Variants in HTT observed in about 807,000 individuals in gnomAD.
HTT encodes huntington disease protein.
In HTT, 104 loss-of-function variants were observed where a neutral mutation model predicts 362.3. The observed-to-expected ratio is 0.29, with a 90% CI of 0.24 to 0.34. The LOEUF (loss-of-function observed/expected upper bound fraction) is 0.34. HTT is among the 10% of genes least tolerant of loss of function. The probability of loss-of-function intolerance (pLI) is 1.00; values close to 1 mark genes in which losing one functional copy is unlikely to be tolerated. For missense variants in HTT, 3,301 were observed against 3,928.6 expected (o/e 0.84, Z 4.27); for synonymous variants, 1,577 against 1,548.7 (o/e 1.02, Z -0.43).
intron 64 of HTT, 83 bp downstream of exon 64, chr4:3,236,337 T>A: frequency 1.1e-6 from 1 of 947,476 alleles, no homozygotes; most frequent in South Asian, 1.3e-5. Flanking sequence ...TGTCTGCTGA[T>A]CCCCTGGCGC....
At chr4:3,146,699 A>G in intron 24 of HTT, 98 bp from the exon 25 acceptor site, 1 of 1,042,204 alleles carries the variant, frequency 9.6e-7, no homozygotes, top group Non-Finnish European at 1.5e-6. Context: ...TATAAAATGT[A>G]TTGTGACATG....
At chr4:3,210,644 G>A (rs1720108753) in intron 47 of HTT, among the ~76,000 whole-genome samples, 1 of 152,162 alleles carries the variant, frequency 6.6e-6, no homozygotes, top group Admixed American at 6.5e-5. Flanking sequence ...TGCAGCCATG[G>A]CCCAAGCAGG....
chr4:3,216,325 T>C (rs1367830624), intron 51 of HTT, among the ~76,000 whole-genome samples: 1 of 152,244 alleles, frequency 6.6e-6, no homozygotes, highest in Non-Finnish European at 1.5e-5. Flanking sequence ...TGATTTCTTG[T>C]TGCTACCTAA....
At chr4:3,090,427 A>C (rs988125660) in intron 2 of HTT, among the ~76,000 whole-genome samples, 6 of 152,346 alleles carry the variant, frequency 3.9e-5, no homozygotes, top group African/African-American at 1.4e-4. Flanking sequence ...CCTCTTGGGA[A>C]TACCCAGGAA....
intron 2 of HTT, among the ~76,000 whole-genome samples, chr4:3,091,112 CAAGAAAAAA>C (rs1713483342): frequency 6.6e-6 from 1 of 151,526 alleles, no homozygotes; most frequent in Non-Finnish European, 1.5e-5. Flanking sequence ...AATTCTGTCT[CAAGAAAAAA>C]GAGAAAAAAG....
chr4:3,204,296 T>G, intron 42 of HTT, 148 bp downstream of exon 42: 1 of 736,582 alleles, frequency 1.4e-6, no homozygotes, highest in Non-Finnish European at 2.2e-6. Context: ...AATGAATGTT[T>G]ACTTCTGCTG....
chr4:3,150,424 G>T (rs571551959), intron 26 of HTT, among the ~76,000 whole-genome samples: 2 of 152,212 alleles, frequency 1.3e-5, no homozygotes, highest in Admixed American at 1.3e-4. Flanking sequence ...GGACCTCAGA[G>T]GACCTGTCTC....
rs200014691 is a variant in HTT at position 3,198,215 on chromosome 4, A to ATTTTT, written c.5369-1493_5369-1489dup. Among the ~76,000 whole-genome samples the ATTTTT allele has an allele frequency of 8.4e-4, 51 of 60,378 alleles. 4 individuals carry two copies. The highest frequency in any genetic ancestry group is 1.2e-3 in the African/African-American group (18 of 15,164). The allele number at this position is 60,378 out of a possible 152,430, so 39.6% of individuals were successfully genotyped here. Reference sequence around the variant, plus strand: ...ACCCTTTCACTTTGGGGATGTGTTGATTTTTTTTTTTTTTTTTTTTTTTTT... The same window carrying ATTTTT: ...ACCCTTTCACTTTGGGGATGTGTTGATTTTTTTTTTTTTTTTTTTTTTTTTTTTTT... On this transcript the variant is annotated intron_variant, in intron 40 of 66. Coordinates refer to ENST00000355072, the MANE Select transcript of HTT (RefSeq NM_001388492.1).
intron 3 of HTT, among the ~76,000 whole-genome samples, chr4:3,101,209 A>T (rs1714136570): frequency 6.6e-6 from 1 of 151,736 alleles, no homozygotes; most frequent in Non-Finnish European, 1.5e-5. Flanking sequence ...AACCTCCTTC[A>T]TTTTTTTTCC....
At chr4:3,232,341 C>T (rs1244008278) in intron 60 of HTT, among the ~76,000 whole-genome samples, 5 of 152,182 alleles carry the variant, frequency 3.3e-5, no homozygotes, top group Non-Finnish European at 7.3e-5. Context: ...AAGAGGCCGC[C>T]TGGCCATCCA....
Position 3,214,034 on chromosome 4 carries a change from T to A in HTT, c.6851T>A (p.Leu2284Gln). 6.2e-7 allele frequency: 1 copy of A among 1,609,552 alleles called. No individual in the cohort carries two copies. Among genetic ancestry groups the A allele is most frequent in the Non-Finnish European group, 8.5e-7 (1 of 1,177,708 alleles). The change falls in exon 50 of 67, where the codon CTG becomes CAG. Residue 2284 changes from leucine (L) to glutamine (Q), a missense_variant. Leu to Gln is a moderately radical substitution (Grantham distance 113). Around this residue, in one of 4 missense-constraint regions of HTT, gnomAD observed 220 missense variants for 218.5 expected, o/e 1.01. Coordinates refer to ENST00000355072, the MANE Select transcript of HTT (RefSeq NM_001388492.1). ...DLQAGLDCCC[L>Q]ALQLPGLWSV... ...CAGGCAGGGCTGGACTGCTGCTGCC[T>A]GGCCCTGCAGCTGCCTGGCCTCTGG...
At chr4:3,176,663 T>G (rs1718258877) in intron 33 of HTT, among the ~76,000 whole-genome samples, 1 of 152,228 alleles carries the variant, frequency 6.6e-6, no homozygotes, top group Admixed American at 6.5e-5. Flanking sequence ...TTGCCTTTCA[T>G]CAACCGGTCC....
chr4:3,217,803 G>A lies in HTT; in HGVS notation c.7093G>A (p.Glu2365Lys), dbSNP rs1409647878. The change falls in exon 52 of 67, where the codon GAA becomes AAA. Residue 2365 changes from glutamate to lysine, a missense_variant. Glu to Lys is a moderately conservative substitution (Grantham distance 56). Coordinates refer to ENST00000355072, the MANE Select transcript of HTT (RefSeq NM_001388492.1). Reference protein sequence around the residue: ...YITAACEMVAEMVESLQSVLA... With the variant: ...YITAACEMVAKMVESLQSVLA... Reference sequence around the variant, plus strand: ...CACTGCAGCCTGTGAGATGGTGGCAGAAATGGTGGAGTCTCTGCAGTCGGT... The same window carrying A: ...CACTGCAGCCTGTGAGATGGTGGCAAAAATGGTGGAGTCTCTGCAGTCGGT... 4 of 1,614,004 alleles carry A rather than the reference G, an allele frequency of 2.5e-6. No homozygotes were observed. Among genetic ancestry groups the A allele is most frequent in the Non-Finnish European group, 3.4e-6 (4 of 1,179,986 alleles).
At chr4:3,151,272 C>A (rs548246579) in intron 26 of HTT, among the ~76,000 whole-genome samples, 2 of 152,068 alleles carry the variant, frequency 1.3e-5, no homozygotes, top group East Asian at 3.9e-4. Flanking sequence ...CTGGGAAGGC[C>A]TCAGGAAACT....
chr4:3,217,019 C>T (rs1294704472), intron 51 of HTT, among the ~76,000 whole-genome samples: 2 of 149,274 alleles, frequency 1.3e-5, no homozygotes, highest in East Asian at 2.0e-4. Context: ...AGCAAGACTC[C>T]GTCTCAAAAA....
rs375917 is a variant in HTT, at chr4:3,075,034, C to T, written c.209C>T (p.Pro70Leu). 2.4e-6 allele frequency: 3 copies of T among 1,245,638 alleles called. No individual in the cohort carries two copies. The highest frequency in any genetic ancestry group is 3.3e-5 in the East Asian group (1 of 30,700). The allele number at this position is 1,245,638 out of a possible 1,614,324, so 77.2% of individuals were successfully genotyped here. A position where few individuals can be genotyped will look rare whatever the true frequency, so the allele number is the denominator to read the frequency against. Residue 70 changes from proline to leucine, a missense_variant, in exon 1 of 67, where the codon CCG becomes CTG. By Grantham distance (98) the Pro-to-Leu change is moderately conservative. This residue lies in a region of HTT where 2,316 missense variants were observed against 2,658.5 expected (regional missense o/e 0.87). Transcript: ENST00000355072. Reference sequence around the variant, plus strand: ...CTGCCTCAGCCGCAGCCGCCCCCGCCGCCGCCCCCGCCGCCACCCGGCCCG... The same window carrying T: ...CTGCCTCAGCCGCAGCCGCCCCCGCTGCCGCCCCCGCCGCCACCCGGCCCG... The part of the protein sequence containing the change: ...PLLPQPQPPP[P>L]PPPPPPGPAV...
In HTT at chr4:3,238,559, C is replaced by T; in HGVS notation, c.9004C>T (p.Leu3002=). Residue 3002 remains leucine (L), a synonymous_variant, in exon 65 of 67, where the codon CTG becomes TTG. Coordinates refer to ENST00000355072, the MANE Select transcript of HTT (RefSeq NM_001388492.1). ...CATGAACAAAGTCATCGGAGAGTTT[C>T]TGTCCAACCAGCAGCCATACCCCCA... The part of the protein sequence containing the change: ...DIMNKVIGEF[L]SNQQPYPQFM... 1 of 1,613,324 alleles carries T rather than the reference C, an allele frequency of 6.2e-7. No homozygotes were observed. The highest frequency in any genetic ancestry group is 1.1e-5 in the South Asian group (1 of 90,752).
At chr4:3,154,195 A>C (rs1375961074) in intron 26 of HTT, 98 bp from the exon 27 acceptor site, 4 of 1,025,094 alleles carry the variant, frequency 3.9e-6, no homozygotes, top group Middle Eastern at 6.3e-4. Context: ...AGCTCTTTTT[A>C]ATAAATGGTA....
chr4:3,123,413 T>G (rs1715381220), intron 10 of HTT: 1 of 153,128 alleles, frequency 6.5e-6, no homozygotes, highest in South Asian at 2.1e-4. Context: ...TGTTGTTATA[T>G]TTTGTGAGTT....
Sources: allele counts gnomAD v4.1 joint callset (sites outside exome capture counted in the v4.1 genomes callset), GRCh38; gene constraint gnomAD v4.1.1; regional missense constraint gnomAD v4.1.1; transcripts MANE v1.5; gene names NCBI Gene and HGNC (gene_info 2026-07-23, HGNC 2026-07-21).